STMN2: variants seen among roughly 807,000 people sequenced by gnomAD.
STMN2 encodes the protein stathmin 2.
In STMN2, 2 loss-of-function variants were observed where a neutral mutation model predicts 24.1. The observed-to-expected ratio is 0.08, with a 90% CI of 0.03 to 0.26. STMN2 has a LOEUF of 0.26. STMN2 is among the 10% of genes least tolerant of loss of function. The pLI is 1.00. For missense variants in STMN2, 114 were observed against 213.6 expected (o/e 0.53, Z 2.91); for synonymous variants, 83 against 77.5 (o/e 1.07, Z -0.37).
chr8:79,662,033 C>T lies in STMN2; in HGVS notation c.481-2782C>T, dbSNP rs150382886. ...TCCAAGTCCTTGTTTATATTTGATA[C>T]CTAGTGAGATTAAAGGGACATTAAA... On this transcript the variant is annotated intron_variant, in intron 4 of 4. Coordinates refer to ENST00000220876, the MANE Select transcript of STMN2 (RefSeq NM_007029.4). Among the ~76,000 whole-genome samples, 1,136 of 152,064 alleles carry T rather than the reference C, an allele frequency of 7.5e-3. 12 individuals are homozygous for T. Among genetic ancestry groups the T allele is most frequent in the African/African-American group, 0.025 (1,050 of 41,480 alleles).
intron 1 of STMN2, among the ~76,000 whole-genome samples, chr8:79,634,377 A>G (rs558891993): frequency 2.6e-5 from 4 of 152,366 alleles, no homozygotes; most frequent in African/African-American, 9.6e-5. Context: ...AAGGCGTTCA[A>G]CAAAATATCT....
chr8:79,640,017 T>C (rs1312019194), intron 2 of STMN2, among the ~76,000 whole-genome samples: 1 of 152,306 alleles, frequency 6.6e-6, no homozygotes, highest in South Asian at 2.1e-4. Flanking sequence ...CTGACCAACA[T>C]GCTGAAACCT....
At chr8:79,630,639 G>A (rs927628639) in intron 1 of STMN2, among the ~76,000 whole-genome samples, 6 of 152,212 alleles carry the variant, frequency 3.9e-5, no homozygotes, top group Admixed American at 3.3e-4. Context: ...GGGAGGAATT[G>A]AAATCACTTG....
At chr8:79,637,037 T>C in intron 2 of STMN2, 140 bp downstream of exon 2, 1 of 739,744 alleles carries the variant, frequency 1.4e-6, no homozygotes, top group Non-Finnish European at 2.2e-6. Context: ...CTAGCTATTA[T>C]GTCCAATTGA....
At chr8:79,614,368 A>G (rs1286503390) in intron 1 of STMN2, among the ~76,000 whole-genome samples, 1 of 152,226 alleles carries the variant, frequency 6.6e-6, no homozygotes, top group Non-Finnish European at 1.5e-5. Flanking sequence ...TTTCTAATGA[A>G]GTGGGCACCT....
At chr8:79,618,114 G>T (rs953260208) in intron 1 of STMN2, among the ~76,000 whole-genome samples, 2 of 152,216 alleles carry the variant, frequency 1.3e-5, no homozygotes. Flanking sequence ...GGTCACACCT[G>T]TGATATCACC....
At position 79,664,107 on chromosome 8, in the gene STMN2, T is replaced by C. The variant is rs77212119; in HGVS notation, c.481-708T>C. ...AATGACTGCCGAATAAAAGGAAAGA[T>C]TTATGCAGGTGTTCAAATGGAAAGT... On this transcript the variant is annotated intron_variant, in intron 4 of 4. Coordinates refer to ENST00000220876, the MANE Select transcript of STMN2 (RefSeq NM_007029.4). 3.3e-3 allele frequency among the ~76,000 whole-genome samples: 505 copies of C among 152,296 alleles called. 4 individuals carry two copies. The highest frequency in any genetic ancestry group is 0.011 in the African/African-American group (468 of 41,570).
At chr8:79,625,831 G>A (rs533549223) in intron 1 of STMN2, among the ~76,000 whole-genome samples, 3 of 152,132 alleles carry the variant, frequency 2.0e-5, no homozygotes, top group South Asian at 2.1e-4. Context: ...GGTGGTTGCC[G>A]CCTGTAATCC....
chr8:79,624,479 G>GAAAAAAAAAAAAAGAAAAA (rs1411947488), intron 1 of STMN2, among the ~76,000 whole-genome samples: 1 of 103,458 alleles, frequency 9.7e-6, no homozygotes, highest in Non-Finnish European at 2.2e-5. Flanking sequence ...AAAAAAAAAA[G>GAAAAAAAAAAAAAGAAAAA]AAAGAAAGAA....
At chr8:79,637,915 A>T (rs1003863531) in intron 2 of STMN2, among the ~76,000 whole-genome samples, 1 of 152,188 alleles carries the variant, frequency 6.6e-6, no homozygotes, top group Admixed American at 6.5e-5. Context: ...TACCTTCCAA[A>T]GTTATTCTAT....
intron 1 of STMN2, among the ~76,000 whole-genome samples, chr8:79,621,598 C>A (rs897928721): frequency 6.6e-6 from 1 of 152,174 alleles, no homozygotes; most frequent in African/African-American, 2.4e-5. Flanking sequence ...AAGCAATTAA[C>A]TCATTCAACG....
chr8:79,643,707 C>T (rs184217049), intron 3 of STMN2, among the ~76,000 whole-genome samples: 45 of 152,174 alleles, frequency 3.0e-4, no homozygotes, highest in African/African-American at 1.1e-3. Context: ...TGATAAAGCT[C>T]CTGCACCCTG....
chr8:79,641,620 A>G, intron 3 of STMN2, 70 bp downstream of exon 3: 1 of 959,172 alleles, frequency 1.0e-6, no homozygotes, highest in Non-Finnish European at 1.5e-6. Context: ...ACTCGGGCAC[A>G]CATGCACGCA....
At chr8:79,654,490 T>G (rs1237261952) in intron 3 of STMN2, among the ~76,000 whole-genome samples, 1 of 152,216 alleles carries the variant, frequency 6.6e-6, no homozygotes, top group Non-Finnish European at 1.5e-5. Context: ...TCAGAACTTG[T>G]CTCAGTCCTC....
chr8:79,628,462 T>G (rs946329310), intron 1 of STMN2, among the ~76,000 whole-genome samples: 2 of 152,124 alleles, frequency 1.3e-5, no homozygotes, highest in African/African-American at 4.8e-5. Flanking sequence ...AGTAGTTCTG[T>G]TTTTAATTTT....
At chr8:79,650,612 T>C (rs1810314412) in intron 3 of STMN2, among the ~76,000 whole-genome samples, 1 of 152,212 alleles carries the variant, frequency 6.6e-6, no homozygotes, top group African/African-American at 2.4e-5. Context: ...AATCAATTTC[T>C]ACCTAAGAAA....
At chr8:79,639,872 T>C (rs980074108) in intron 2 of STMN2, among the ~76,000 whole-genome samples, 1 of 152,218 alleles carries the variant, frequency 6.6e-6, no homozygotes, top group Non-Finnish European at 1.5e-5. Context: ...AAGAATACAG[T>C]ACATTGTTAT....
At chr8:79,657,367 C>A (rs1209638807) in intron 4 of STMN2, among the ~76,000 whole-genome samples, 1 of 152,148 alleles carries the variant, frequency 6.6e-6, no homozygotes, top group Non-Finnish European at 1.5e-5. Context: ...TGCCCTCCCC[C>A]ATACATGCAT....
At position 79,611,288 on chromosome 8, in the gene STMN2, A is replaced by T. The variant is rs540362087; in HGVS notation, c.19+74A>T. 1.3e-4 allele frequency: 200 copies of T among 1,573,944 alleles called. 1 individual carries two copies. In the African/African-American group the frequency reaches 1.9e-3, roughly 15 times the overall value. Reference sequence around the variant, plus strand: ...CTCACCTCCTCTCTTGAGCTCTAGAAGCATTCAGAGATATTTTATAAAGAA... The same window carrying T: ...CTCACCTCCTCTCTTGAGCTCTAGATGCATTCAGAGATATTTTATAAAGAA... On this transcript the variant is annotated intron_variant, in intron 1 of 4. Coordinates refer to ENST00000220876, the MANE Select transcript of STMN2 (RefSeq NM_007029.4).
Sources: allele counts gnomAD v4.1 joint callset (sites outside exome capture counted in the v4.1 genomes callset), GRCh38; gene constraint gnomAD v4.1.1; transcripts MANE v1.5; gene names NCBI Gene and HGNC (gene_info 2026-07-23, HGNC 2026-07-21).